Variants in TCERG1L observed in about 807,000 individuals in gnomAD.
TCERG1L encodes the protein transcription elongation regulator 1 like.
In TCERG1L, 37 loss-of-function variants were observed where a neutral mutation model predicts 56.3. The ratio of observed to expected loss-of-function variants is 0.66; its 90% CI spans 0.51 to 0.87. The LOEUF (loss-of-function observed/expected upper bound fraction) is 0.87. Among genes scored for constraint, TCERG1L ranks in the 40% least tolerant of loss-of-function variants. The pLI, the probability that TCERG1L is intolerant of heterozygous loss-of-function variation, is 0.00. For synonymous variants in TCERG1L, 324 were observed against 326.3 expected (o/e 0.99, Z 0.08); for missense variants, 799 against 774.2 (o/e 1.03, Z -0.38).
chr10:131,218,001 G>A (rs1346408744), intron 4 of TCERG1L, among the ~76,000 whole-genome samples: 3 of 152,178 alleles, frequency 2.0e-5, no homozygotes, highest in East Asian at 1.9e-4. Context: ...TGGGATTACC[G>A]GCGTGAGCCA....
intron 3 of TCERG1L, among the ~76,000 whole-genome samples, chr10:131,284,563 G>A (rs1846498524): frequency 6.6e-6 from 1 of 151,962 alleles, no homozygotes; most frequent in Admixed American, 6.5e-5. Context: ...TTTCAATCAA[G>A]TTGAAAAATG....
intron 9 of TCERG1L, among the ~76,000 whole-genome samples, chr10:131,115,766 G>T (rs1845454277): frequency 6.6e-6 from 1 of 152,150 alleles, no homozygotes; most frequent in Non-Finnish European, 1.5e-5. Context: ...TTCCTAAGGG[G>T]TAGGACCTGC....
Position 131,260,824 on chromosome 10 carries a change from C to G in TCERG1L, c.671-380G>C, listed in dbSNP as rs778014168. 4.6e-5 allele frequency among the ~76,000 whole-genome samples: 7 copies of G among 152,236 alleles called. No individual in the cohort carries two copies. The highest frequency in any genetic ancestry group is 3.4e-3 in the Middle Eastern group (1 of 294). Reference sequence around the variant, plus strand: ...GCACTCAGTGATTTGGAGCAGAAACCGGTGAAGGCCCAGGAGTGCCACATA... The same window carrying G: ...GCACTCAGTGATTTGGAGCAGAAACGGGTGAAGGCCCAGGAGTGCCACATA... On this transcript the variant is annotated intron_variant, in intron 3 of 11. Coordinates refer to ENST00000368642, the MANE Select transcript of TCERG1L (RefSeq NM_174937.4). The surrounding 1 kb of genome is among the most constrained non-coding windows in gnomAD (Gnocchi z 5.8).
intron 4 of TCERG1L, 51 bp from the exon 5 acceptor site, chr10:131,166,936 G>A (rs1463248930): frequency 1.3e-6 from 2 of 1,542,884 alleles, no homozygotes; most frequent in Non-Finnish European, 1.8e-6. Context: ...ACAGTAGTTT[G>A]GAAAACCTAA....
chr10:131,193,374 T>C (rs1845324438), intron 4 of TCERG1L, among the ~76,000 whole-genome samples: 3 of 152,254 alleles, frequency 2.0e-5, no homozygotes, highest in African/African-American at 7.2e-5. Context: ...TTAAGTTCCA[T>C]TTGCCTACTT....
At chr10:131,217,379 G>A (rs564233082) in intron 4 of TCERG1L, among the ~76,000 whole-genome samples, 3 of 152,198 alleles carry the variant, frequency 2.0e-5, no homozygotes, top group South Asian at 2.1e-4. Context: ...CCATGCTTTC[G>A]GCACAGCCTG....
rs1845759371 is a variant in TCERG1L at position 131,143,436 on chromosome 10, A to G, written c.1189+3070T>C. 2.6e-5 allele frequency among the ~76,000 whole-genome samples: 4 copies of G among 151,972 alleles called. No individual in the cohort carries two copies. The South Asian group carries it at 8.3e-4, about 32-fold the overall frequency. On this transcript the variant is annotated intron_variant, in intron 7 of 11. Coordinates refer to ENST00000368642, the MANE Select transcript of TCERG1L (RefSeq NM_174937.4). ...CTCTCCCTCGCCTCTCCTCCCTCCAACCCAGAGGAAGAACTCGAGGGCCCC... is the reference window on the plus strand; with the variant it reads ...CTCTCCCTCGCCTCTCCTCCCTCCAGCCCAGAGGAAGAACTCGAGGGCCCC...
At position 131,092,458 on chromosome 10, in the gene TCERG1L, C is replaced by G. The variant is rs1282277637; in HGVS notation, c.*704G>C. Reference sequence around the variant, plus strand: ...TTATACAAAGGTGATGAGAAAAAATCTCATGCAAACTCCGGGCATACAATA... The same window carrying G: ...TTATACAAAGGTGATGAGAAAAAATGTCATGCAAACTCCGGGCATACAATA... On this transcript the variant is annotated 3_prime_UTR_variant, in exon 12 of 12. Transcript: ENST00000368642. 6.6e-6 allele frequency: 1 copy of G among 152,476 alleles called. No homozygotes were observed. Among genetic ancestry groups the G allele is most frequent in the Non-Finnish European group, 1.5e-5 (1 of 68,016 alleles). 9.4% of individuals were successfully genotyped at this position (152,476 alleles called of 1,614,324 possible). A position where few individuals can be genotyped will look rare whatever the true frequency, so the allele number is the denominator to read the frequency against.
chr10:131,237,273 C>T (rs1423674016), intron 4 of TCERG1L, among the ~76,000 whole-genome samples: 1 of 152,156 alleles, frequency 6.6e-6, no homozygotes, highest in Non-Finnish European at 1.5e-5. Flanking sequence ...GTGCCAGCTC[C>T]CTCCAGCCTG....
chr10:131,306,173 C>A (rs1846816719), intron 3 of TCERG1L, among the ~76,000 whole-genome samples: 1 of 152,138 alleles, frequency 6.6e-6, no homozygotes, highest in Non-Finnish European at 1.5e-5. Context: ...CAGTTAGTAA[C>A]ACATAAATAA....
chr10:131,183,509 T>G (rs1381750369), intron 4 of TCERG1L, among the ~76,000 whole-genome samples: 3 of 152,186 alleles, frequency 2.0e-5, no homozygotes, highest in Admixed American at 2.0e-4. Context: ...GACCTGGGGC[T>G]TCTCTCGTAT....
At chr10:131,246,855 A>C (rs1444821326) in intron 4 of TCERG1L, among the ~76,000 whole-genome samples, 1 of 152,146 alleles carries the variant, frequency 6.6e-6, no homozygotes, top group East Asian at 1.9e-4. Flanking sequence ...GGGGCCGCAC[A>C]CTCAGCGGAC....
chr10:131,291,391 A>G (rs954024779), intron 3 of TCERG1L, among the ~76,000 whole-genome samples: 4 of 122,090 alleles, frequency 3.3e-5, no homozygotes, highest in Non-Finnish European at 1.7e-5. Flanking sequence ...ATATTCCATA[A>G]ACAGCATTTC....
At chr10:131,258,620 G>T (rs1402070141) in intron 4 of TCERG1L, among the ~76,000 whole-genome samples, 5 of 152,238 alleles carry the variant, frequency 3.3e-5, no homozygotes, top group Non-Finnish European at 7.3e-5. Flanking sequence ...ATCAATTCCA[G>T]CAATGGGAAG....
intron 4 of TCERG1L, among the ~76,000 whole-genome samples, chr10:131,218,344 A>G (rs191386395): frequency 3.7e-4 from 57 of 152,318 alleles, no homozygotes; most frequent in African/African-American, 1.3e-3. Context: ...GAAACGCCGC[A>G]TAATCCTATC....
chr10:131,100,158 C>T (rs937577043), intron 10 of TCERG1L, among the ~76,000 whole-genome samples: 1 of 152,328 alleles, frequency 6.6e-6, no homozygotes, highest in Admixed American at 6.5e-5. Flanking sequence ...TGAGCCACCA[C>T]GCCAAGCCAT....
chr10:131,213,300 C>T (rs1199397791), intron 4 of TCERG1L, among the ~76,000 whole-genome samples: 2 of 152,244 alleles, frequency 1.3e-5, no homozygotes, highest in African/African-American at 4.8e-5. Context: ...TGCACCCAGG[C>T]TCACCCGTGA....
chr10:131,163,133 G>A lies in TCERG1L; in HGVS notation c.1023C>T (p.Pro341=), dbSNP rs753602439. 1.5e-5 allele frequency: 24 copies of A among 1,576,628 alleles called. No individual in the cohort carries two copies. In the East Asian group the frequency reaches 3.2e-4, roughly 21 times the overall value. ...TTGGGGTGTCTTACCAGGGGGATCCGGGCACCGGGGTGGAGGCCACTGGCC... is the reference window on the plus strand; with the variant it reads ...TTGGGGTGTCTTACCAGGGGGATCCAGGCACCGGGGTGGAGGCCACTGGCC... ...GNRPVASTPV[P]GSPWCVVWTG... Residue 341 remains proline, a synonymous_variant, in exon 6 of 12, where the codon CCC becomes CCT. Coordinates refer to ENST00000368642, the MANE Select transcript of TCERG1L (RefSeq NM_174937.4).
chr10:131,206,529 C>T (rs73396435), intron 4 of TCERG1L, among the ~76,000 whole-genome samples: 4,490 of 152,342 alleles, frequency 0.029, 198 homozygotes, highest in African/African-American at 0.1. Context: ...GGCGGCTGCC[C>T]GCCAGGCCTT....
Sources: gnomAD v4.1 joint callset for allele counts (sites outside exome capture counted in the v4.1 genomes callset) on GRCh38, gnomAD v4.1.1 for gene constraint, Gnocchi (gnomAD v3.1) non-coding constraint, MANE v1.5 for transcripts, NCBI Gene and HGNC (gene_info 2026-07-23, HGNC 2026-07-21) for gene names.